The following BMPR1B variants were observed in gnomAD, a reference collection of about 807,000 sequenced individuals.
BMPR1B encodes the protein bone morphogenetic protein receptor type 1B.
In BMPR1B, 12 loss-of-function variants were observed where a neutral mutation model predicts 59.1. The ratio of observed to expected loss-of-function variants is 0.20; its 90% CI spans 0.13 to 0.33. The LOEUF is 0.33. BMPR1B is among the 10% of genes least tolerant of loss of function. The pLI, the probability that BMPR1B is intolerant of heterozygous loss-of-function variation, is 1.00. For synonymous variants in BMPR1B, 237 were observed against 207.3 expected, an observed-to-expected ratio of 1.14 and a Z score of -1.23; for missense variants, 550 against 610.9, an observed-to-expected ratio of 0.90 and a Z score of 1.05.
At chr4:95,080,233 T>G (rs1311050380) in intron 3 of BMPR1B, among the ~76,000 whole-genome samples, 1 of 152,246 alleles carries the variant, frequency 6.6e-6, no homozygotes, top group Non-Finnish European at 1.5e-5. Flanking sequence ...TATGTATGTA[T>G]GTACATATGT....
intron 1 of BMPR1B, among the ~76,000 whole-genome samples, chr4:94,807,786 G>C (rs1723662183): frequency 6.6e-6 from 1 of 152,192 alleles, no homozygotes; most frequent in Non-Finnish European, 1.5e-5. Flanking sequence ...CCGGGTTCAA[G>C]AGATTTTTGT....
At chr4:95,030,242 G>T (rs1022187461) in intron 3 of BMPR1B, among the ~76,000 whole-genome samples, 6 of 152,062 alleles carry the variant, frequency 3.9e-5, no homozygotes, top group Non-Finnish European at 8.8e-5. Flanking sequence ...TGGTTTTTAT[G>T]GTTTTAGGTC....
At chr4:95,100,806 A>G (rs1050093571) in intron 3 of BMPR1B, among the ~76,000 whole-genome samples, 1 of 152,014 alleles carries the variant, frequency 6.6e-6, no homozygotes, top group Non-Finnish European at 1.5e-5. Flanking sequence ...TATATTTTTA[A>G]AGTTCTTTAC....
chr4:95,012,387 G>A lies in BMPR1B; in HGVS notation c.-18+16253G>A, dbSNP rs147058211. On this transcript the variant is annotated intron_variant, in intron 3 of 12. Transcript: ENST00000515059. The stretch of plus-strand genomic sequence containing the variant: ...TGTACACACATATTTAGAACCTTAC[G>A]TCTGTCAGAAGGAAGGTGTGTTTTT... 4.6e-5 allele frequency among the ~76,000 whole-genome samples: 7 copies of A among 152,284 alleles called. No individual in the cohort carries two copies. The East Asian group carries it at 1.3e-3, about 29-fold the overall frequency.
At chr4:95,143,240 G>A (rs1734382584) in intron 10 of BMPR1B, among the ~76,000 whole-genome samples, 1 of 152,142 alleles carries the variant, frequency 6.6e-6, no homozygotes, top group Non-Finnish European at 1.5e-5. Context: ...GGCACAGGCA[G>A]GAAGGGAGTA....
chr4:95,119,990 T>C (rs562346467), intron 6 of BMPR1B, among the ~76,000 whole-genome samples: 2 of 152,300 alleles, frequency 1.3e-5, no homozygotes, highest in African/African-American at 4.8e-5. Context: ...GTAGTAAGCA[T>C]AGTACCCAAT....
intron 3 of BMPR1B, among the ~76,000 whole-genome samples, chr4:95,078,016 A>G (rs1728839393): frequency 6.6e-6 from 1 of 152,232 alleles, no homozygotes; most frequent in African/African-American, 2.4e-5. Context: ...AGTCAGTAAC[A>G]TGAGTATGCT....
rs929204324 is a variant in BMPR1B at position 94,964,078 on chromosome 4, T to C, written c.-112-31962T>C. 2.0e-5 allele frequency among the ~76,000 whole-genome samples: 3 copies of C among 152,270 alleles called. No individual in the cohort carries two copies. In the South Asian group the frequency reaches 6.2e-4, roughly 32 times the overall value. ...GTTAAGTTTATTCCTTGGTATTTTA[T>C]CTGTAGCTATTGTAAATTGAATTCC... On this transcript the variant is annotated intron_variant, in intron 2 of 12. Transcript: ENST00000515059.
At chr4:94,902,706 C>A (rs1382986276) in intron 2 of BMPR1B, among the ~76,000 whole-genome samples, 1 of 151,890 alleles carries the variant, frequency 6.6e-6, no homozygotes, top group Non-Finnish European at 1.5e-5. Flanking sequence ...TTGGGAATTT[C>A]ATATCTCTTT....
intron 4 of BMPR1B, among the ~76,000 whole-genome samples, chr4:95,111,276 GA>G (rs975314726): frequency 8.6e-5 from 13 of 151,996 alleles, no homozygotes; most frequent in Admixed American, 3.3e-4. Flanking sequence ...GAATCTTTAT[GA>G]AGATCTAAAC....
rs139240922 is a variant in BMPR1B, at chr4:95,053,098, G to A, written c.-17-51310G>A. On this transcript the variant is annotated intron_variant, in intron 3 of 12. Transcript: ENST00000515059. Reference sequence around the variant, plus strand: ...AAAAGCAAAGAGGCCATATGCTACAGACAGAATCTTTGAATCATAAAATGC... The same window carrying A: ...AAAAGCAAAGAGGCCATATGCTACAAACAGAATCTTTGAATCATAAAATGC... Among the ~76,000 whole-genome samples the A allele has an allele frequency of 3.4e-3, 513 of 152,270 alleles. 1 individual carries two copies. Among genetic ancestry groups the A allele is most frequent in the African/African-American group, 0.012 (493 of 41,558 alleles).
At chr4:94,981,724 G>A (rs1043745475) in intron 2 of BMPR1B, among the ~76,000 whole-genome samples, 1 of 152,150 alleles carries the variant, frequency 6.6e-6, no homozygotes, top group Non-Finnish European at 1.5e-5. Context: ...GTTATCCTAT[G>A]TGTTTAATTG....
intron 3 of BMPR1B, among the ~76,000 whole-genome samples, chr4:95,052,676 C>G (rs935919160): frequency 6.6e-6 from 1 of 152,132 alleles, no homozygotes; most frequent in Non-Finnish European, 1.5e-5. Context: ...TTCATAATCT[C>G]AAAGTATTCT....
intron 2 of BMPR1B, among the ~76,000 whole-genome samples, chr4:94,954,460 C>T (rs992007861): frequency 6.6e-6 from 1 of 152,182 alleles, no homozygotes; most frequent in Admixed American, 6.5e-5. Context: ...TATGGCTGCT[C>T]AGATTGTGCA....
intron 1 of BMPR1B, among the ~76,000 whole-genome samples, chr4:94,832,981 G>A (rs1360492142): frequency 6.6e-6 from 1 of 151,832 alleles, no homozygotes; most frequent in Non-Finnish European, 1.5e-5. Flanking sequence ...TTGAGGTCAG[G>A]AGTTCGAGAC....
chr4:94,818,441 A>G (rs1041011723), intron 1 of BMPR1B, among the ~76,000 whole-genome samples: 4 of 152,312 alleles, frequency 2.6e-5, no homozygotes, highest in African/African-American at 7.2e-5. Context: ...AACTGGTTTG[A>G]GGCAGAGCTG....
chr4:94,962,917 T>C (rs911600343), intron 2 of BMPR1B, among the ~76,000 whole-genome samples: 5 of 152,192 alleles, frequency 3.3e-5, no homozygotes, highest in African/African-American at 1.2e-4. Context: ...ATAATGGCTG[T>C]ACTAATTCAC....
At chr4:94,861,605 G>A (rs2148957063) in intron 1 of BMPR1B, among the ~76,000 whole-genome samples, 1 of 152,102 alleles carries the variant, frequency 6.6e-6, no homozygotes, top group South Asian at 2.1e-4. Context: ...CATGGTCCCT[G>A]AACACACAAA....
intron 3 of BMPR1B, among the ~76,000 whole-genome samples, chr4:94,997,394 C>A (rs1395042241): frequency 2.6e-5 from 4 of 152,078 alleles, no homozygotes; most frequent in Non-Finnish European, 5.9e-5. Flanking sequence ...TAGGATAAGC[C>A]AGATCTAAAA....
Sources: gnomAD v4.1 joint callset for allele counts (sites outside exome capture counted in the v4.1 genomes callset) on GRCh38, gnomAD v4.1.1 for gene constraint, MANE v1.5 for transcripts, NCBI Gene and HGNC (gene_info 2026-07-23, HGNC 2026-07-21) for gene names.